PCYT1A: variants seen among roughly 807,000 people sequenced by gnomAD.
PCYT1A encodes the protein phosphate cytidylyltransferase 1A, choline.
In PCYT1A, 25 loss-of-function variants were observed where a neutral mutation model predicts 43.7. The observed-to-expected ratio is 0.57, with a 90% CI of 0.42 to 0.80. The LOEUF (loss-of-function observed/expected upper bound fraction) is 0.80. Among genes scored for constraint, PCYT1A ranks in the 30% least tolerant of loss-of-function variants. The probability of loss-of-function intolerance (pLI) is 0.00; values close to 1 mark genes in which losing one functional copy is unlikely to be tolerated. For missense variants in PCYT1A, 421 were observed against 474.2 expected, an observed-to-expected ratio of 0.89 and a Z score of 1.04; for synonymous variants, 172 against 170.7, an observed-to-expected ratio of 1.01 and a Z score of -0.06.
chr3:196,286,408 T>C (rs987512457), intron 1 of PCYT1A, among the ~76,000 whole-genome samples: 1 of 152,204 alleles, frequency 6.6e-6, no homozygotes, highest in Non-Finnish European at 1.5e-5. Flanking sequence ...AATCATTACA[T>C]TTTAGAACCA....
intron 1 of PCYT1A, among the ~76,000 whole-genome samples, chr3:196,276,202 T>C (rs1725586159): frequency 6.6e-6 from 1 of 152,022 alleles, no homozygotes; most frequent in Admixed American, 6.6e-5. Context: ...AATAAGTATA[T>C]AAGGCAAGGA....
chr3:196,280,207 G>A (rs1725718149), intron 1 of PCYT1A, among the ~76,000 whole-genome samples: 1 of 152,006 alleles, frequency 6.6e-6, no homozygotes, highest in Non-Finnish European at 1.5e-5. Context: ...TTTGCTTCCT[G>A]AACTATGTAA....
At chr3:196,266,012 G>A (rs1725260397) in intron 2 of PCYT1A, among the ~76,000 whole-genome samples, 1 of 149,668 alleles carries the variant, frequency 6.7e-6, no homozygotes, top group Admixed American at 6.6e-5. Context: ...GTGCTGGGAT[G>A]ACAGGCGTGA....
intron 3 of PCYT1A, among the ~76,000 whole-genome samples, chr3:196,253,166 G>T (rs1180052817): frequency 6.6e-6 from 1 of 151,976 alleles, no homozygotes; most frequent in Non-Finnish European, 1.5e-5. Context: ...GTGAAACCCT[G>T]TGTCTACTAA....
chr3:196,242,036 G>A lies in PCYT1A; in HGVS notation c.620C>T (p.Thr207Ile). ...TEGISTSDII[T>I]RIVRDYDVYA... Reference sequence around the variant, plus strand: ...CACATCATAATCCCGCACAATTCGGGTGATGATGTCTGATGTGGAGATACC... The same window carrying A: ...CACATCATAATCCCGCACAATTCGGATGATGATGTCTGATGTGGAGATACC... Residue 207 changes from threonine to isoleucine, a missense_variant, in exon 7 of 9, where the codon ACC becomes ATC. By Grantham distance (89) the Thr-to-Ile change is moderately conservative. Transcript: ENST00000431016. This position sits in a 1 kb window ranked among gnomAD's most constrained non-coding sequence, Gnocchi z 4.2. 2 of 1,614,106 alleles carry A rather than the reference G, an allele frequency of 1.2e-6. No homozygotes were observed. The highest frequency in any genetic ancestry group is 1.7e-6 in the Non-Finnish European group (2 of 1,179,960).
chr3:196,267,214 T>G, intron 2 of PCYT1A: 1 of 386,418 alleles, frequency 2.6e-6, no homozygotes, highest in Non-Finnish European at 5.0e-6. Flanking sequence ...TACTTGTACA[T>G]GTTGCAGTAC....
chr3:196,271,813 G>T (rs1205877642), intron 1 of PCYT1A, among the ~76,000 whole-genome samples: 5 of 874 alleles, frequency 5.7e-3, no homozygotes, highest in Non-Finnish European at 3.0e-3. Flanking sequence ...TTTTTTTTTT[G>T]AGAAAGAGTC....
intron 2 of PCYT1A, among the ~76,000 whole-genome samples, chr3:196,258,499 T>C (rs1056078723): frequency 2.0e-5 from 3 of 152,166 alleles, no homozygotes; most frequent in African/African-American, 7.2e-5. Context: ...TCAGTTCTAG[T>C]ATCCGTTGTT....
chr3:196,267,428 A>G, intron 2 of PCYT1A: 1 of 431,404 alleles, frequency 2.3e-6, no homozygotes, highest in Non-Finnish European at 4.7e-6. Flanking sequence ...TGATAAAAAT[A>G]TCCCAGGCCA....
At chr3:196,274,292 G>T (rs1362285405) in intron 1 of PCYT1A, among the ~76,000 whole-genome samples, 2 of 152,182 alleles carry the variant, frequency 1.3e-5, no homozygotes, top group Non-Finnish European at 1.5e-5. Flanking sequence ...CTTGGAAACG[G>T]GCAGGGCTTC....
Position 196,266,221 on chromosome 3 carries a change from C to G in PCYT1A, c.117+4194G>C, listed in dbSNP as rs962234420. On this transcript the variant is annotated intron_variant, in intron 2 of 8. Transcript: ENST00000431016. ...GGTGCAGTAGCTCACGCCTGTAATCCCAGCACTTTGGGAGGTCGAGGCGGG... is the reference window on the plus strand; with the variant it reads ...GGTGCAGTAGCTCACGCCTGTAATCGCAGCACTTTGGGAGGTCGAGGCGGG... 2.6e-5 allele frequency among the ~76,000 whole-genome samples: 4 copies of G among 151,976 alleles called. No homozygotes were observed. The East Asian group carries it at 7.8e-4, about 30-fold the overall frequency.
intron 7 of PCYT1A, 172 bp from the exon 8 acceptor site, chr3:196,239,907 G>A (rs1048261918): frequency 1.7e-6 from 1 of 583,968 alleles, no homozygotes; most frequent in African/African-American, 1.9e-5. Flanking sequence ...ATATGCTGTG[G>A]ATGCACACAC....
At chr3:196,248,447 C>T (rs1724640471) in intron 3 of PCYT1A, 124 bp from the exon 4 acceptor site, 1 of 529,300 alleles carries the variant, frequency 1.9e-6, no homozygotes, top group African/African-American at 1.9e-5. Flanking sequence ...TCTCGGCTCA[C>T]TGCAACTTCC....
chr3:196,285,854 A>G (rs1725896040), intron 1 of PCYT1A, among the ~76,000 whole-genome samples: 1 of 152,168 alleles, frequency 6.6e-6, no homozygotes, highest in South Asian at 2.1e-4. Context: ...CCAAATCACT[A>G]AATATCAAGA....
rs1027113817 is a variant in PCYT1A, at chr3:196,236,694, T to C, written c.*1994A>G. On this transcript the variant is annotated 3_prime_UTR_variant, in exon 9 of 9. Coordinates refer to ENST00000431016, the MANE Select transcript of PCYT1A (RefSeq NM_001312673.2). ...TTTTTGTTTTGTTTTGGAGACAGAG[T>C]CTCGCTCTGTCACCCAGGCTGGACT... is the stretch of plus-strand genomic sequence containing the variant. 6.6e-6 allele frequency: 1 copy of C among 152,118 alleles called. No individual in the cohort carries two copies. Among genetic ancestry groups the C allele is most frequent in the East Asian group, 1.9e-4 (1 of 5,198 alleles). The allele number at this position is 152,118 out of a possible 1,614,324, so 9.4% of individuals were successfully genotyped here.
intron 1 of PCYT1A, among the ~76,000 whole-genome samples, chr3:196,276,631 T>C (rs1322395113): frequency 6.7e-6 from 1 of 149,324 alleles, no homozygotes; most frequent in Non-Finnish European, 1.5e-5. Context: ...AAAAATTAAG[T>C]ACAAACTATT....
chr3:196,255,049 C>A (rs1447989352), intron 3 of PCYT1A, among the ~76,000 whole-genome samples: 1 of 152,128 alleles, frequency 6.6e-6, no homozygotes, highest in East Asian at 1.9e-4. Flanking sequence ...CTCGTAAAAA[C>A]CTGGGGAGCA....
In PCYT1A at chr3:196,247,631, A is replaced by G. The variant is rs959096705; in HGVS notation, c.335-113T>C. 1.7e-5 allele frequency: 18 copies of G among 1,062,500 alleles called. No homozygotes were observed. The highest frequency in any genetic ancestry group is 2.6e-5 in the South Asian group (2 of 77,166). The allele number at this position is 1,062,500 out of a possible 1,614,324, so 65.8% of individuals were successfully genotyped here. On this transcript the variant is annotated intron_variant, in intron 4 of 8. Transcript: ENST00000431016. This position sits in a 1 kb window ranked among gnomAD's most constrained non-coding sequence, Gnocchi z 4.8. ...CTTAGGACTGCAACCATCTTCCCCA[A>G]CTGGAAAAAAGTCTTCTAAAGGTGG...
At position 196,237,762 on chromosome 3, in the gene PCYT1A, C is replaced by T. The variant is rs1016868588; in HGVS notation, c.*926G>A. The T allele has an allele frequency of 1.3e-5, 2 of 152,202 alleles. No individual in the cohort carries two copies. Among genetic ancestry groups the T allele is most frequent in the Non-Finnish European group, 1.5e-5 (1 of 68,050 alleles). 9.4% of individuals were successfully genotyped at this position (152,202 alleles called of 1,614,324 possible). ...AAGGCTAGGTAATATTAATAGCATT[C>T]AAATAGGAGTAGCAGGGCCAGGCAC... On this transcript the variant is annotated 3_prime_UTR_variant, in exon 9 of 9. Coordinates refer to ENST00000431016, the MANE Select transcript of PCYT1A (RefSeq NM_001312673.2).
Sources: allele counts gnomAD v4.1 joint callset (sites outside exome capture counted in the v4.1 genomes callset), GRCh38; gene constraint gnomAD v4.1.1; non-coding constraint Gnocchi (gnomAD v3.1); transcripts MANE v1.5; gene names NCBI Gene and HGNC (gene_info 2026-07-23, HGNC 2026-07-21).